NALCN: variants seen among roughly 807,000 people sequenced by gnomAD.
NALCN encodes the protein sodium leak channel, non-selective.
A neutral mutation model predicts 225.3 loss-of-function variants in NALCN; 111 were observed. That is an observed-to-expected ratio of 0.49 (90% CI 0.42 to 0.58). NALCN has a LOEUF of 0.58. Among genes scored for constraint, NALCN ranks in the 20% least tolerant of loss-of-function variants. NALCN has a pLI of 0.00. For missense variants in NALCN, 1,378 were observed against 2,202.4 expected (o/e 0.63, Z 7.49); for synonymous variants, 764 against 769.0 (o/e 0.99, Z 0.11).
intron 6 of NALCN, among the ~76,000 whole-genome samples, chr13:101,352,121 T>C (rs909462123): frequency 5.3e-5 from 8 of 152,178 alleles, no homozygotes; most frequent in South Asian, 2.1e-4. Context: ...CCACACAGCA[T>C]GCTAGGAATG....
intron 6 of NALCN, among the ~76,000 whole-genome samples, chr13:101,345,717 T>C: frequency 8.0e-6 from 1 of 125,400 alleles, no homozygotes; most frequent in South Asian, 2.5e-4. Context: ...TATCTATCTA[T>C]CTAAGAGTAC....
At chr13:101,380,892 A>ACC (rs1491058349) in intron 3 of NALCN, among the ~76,000 whole-genome samples, 1 of 149,750 alleles carries the variant, frequency 6.7e-6, no homozygotes, top group Non-Finnish European at 1.5e-5. Flanking sequence ...ACACACACAC[A>ACC]CCACCATCAC....
intron 13 of NALCN, among the ~76,000 whole-genome samples, chr13:101,222,313 C>T (rs916263204): frequency 6.6e-6 from 1 of 152,168 alleles, no homozygotes; most frequent in Non-Finnish European, 1.5e-5. Context: ...TCACCCCCAT[C>T]TCATCCTCTC....
At chr13:101,122,158 T>C (rs2036009704) in intron 18 of NALCN, among the ~76,000 whole-genome samples, 1 of 152,136 alleles carries the variant, frequency 6.6e-6, no homozygotes, top group Admixed American at 6.6e-5. Context: ...GGTGAAAAGA[T>C]AAGTATTCCC....
chr13:101,194,770 A>G (rs2039821997), intron 13 of NALCN, among the ~76,000 whole-genome samples: 1 of 152,144 alleles, frequency 6.6e-6, no homozygotes, highest in South Asian at 2.1e-4. Context: ...TTGGGAGGCC[A>G]AGGCGGGCAG....
chr13:101,302,223 T>A (rs969898894), intron 7 of NALCN, among the ~76,000 whole-genome samples: 1 of 152,204 alleles, frequency 6.6e-6, no homozygotes, highest in Admixed American at 6.5e-5. Context: ...TGCATCATCA[T>A]ACATATTCAA....
intron 15 of NALCN, among the ~76,000 whole-genome samples, chr13:101,157,789 T>C (rs1245676198): frequency 1.3e-5 from 2 of 151,166 alleles, no homozygotes; most frequent in Non-Finnish European, 2.9e-5. Flanking sequence ...TCTTGCTCTG[T>C]TGCCCAGAGC....
chr13:101,342,323 G>A (rs1179431551), intron 7 of NALCN, among the ~76,000 whole-genome samples: 1 of 152,192 alleles, frequency 6.6e-6, no homozygotes, highest in Middle Eastern at 3.4e-3. Flanking sequence ...GGTTCCCCAG[G>A]TCATCCTAAG....
intron 6 of NALCN, among the ~76,000 whole-genome samples, chr13:101,354,460 A>T (rs1468743327): frequency 6.6e-6 from 1 of 152,184 alleles, no homozygotes; most frequent in African/African-American, 2.4e-5. Context: ...TGACTTTTAA[A>T]ATCTGGGCCA....
chr13:101,075,977 G>T, intron 34 of NALCN, 36 bp from the exon 35 acceptor site: 1 of 1,574,086 alleles, frequency 6.4e-7, no homozygotes, highest in Non-Finnish European at 8.7e-7. Flanking sequence ...CTCATAATTT[G>T]CACAAAAGAT....
chr13:101,222,434 C>G (rs2040976798), intron 13 of NALCN, among the ~76,000 whole-genome samples: 1 of 152,134 alleles, frequency 6.6e-6, no homozygotes, highest in South Asian at 2.1e-4. Flanking sequence ...AGATCCTGAC[C>G]AATACTCATG....
At chr13:101,117,292 T>C (rs2035763931) in intron 18 of NALCN, among the ~76,000 whole-genome samples, 1 of 152,210 alleles carries the variant, frequency 6.6e-6, no homozygotes, top group South Asian at 2.1e-4. Context: ...GAGAAATCCA[T>C]GCCTTTCGTG....
At chr13:101,067,694 A>G (rs952662259) in intron 39 of NALCN, among the ~76,000 whole-genome samples, 1 of 152,176 alleles carries the variant, frequency 6.6e-6, no homozygotes, top group Admixed American at 6.5e-5. Context: ...TGGCCTTCGG[A>G]AAGTCTGAAG....
intron 37 of NALCN, among the ~76,000 whole-genome samples, chr13:101,070,516 T>C (rs2167598): frequency 0.71 from 107,801 of 152,104 alleles, 38,662 homozygotes; most frequent in South Asian, 0.75. Flanking sequence ...AAAGTTGAAA[T>C]GACTTCTTGA....
intron 7 of NALCN, among the ~76,000 whole-genome samples, chr13:101,323,739 G>T (rs1263601287): frequency 6.6e-6 from 1 of 152,166 alleles, no homozygotes; most frequent in Non-Finnish European, 1.5e-5. Flanking sequence ...TAAGTCTCAT[G>T]ATTTTCCATG....
chr13:101,337,624 T>C (rs2045424501), intron 7 of NALCN, among the ~76,000 whole-genome samples: 1 of 152,164 alleles, frequency 6.6e-6, no homozygotes, highest in African/African-American at 2.4e-5. Flanking sequence ...TATTCTTTTT[T>C]CTAAGACTTG....
At chr13:101,096,463 A>T (rs1458543717) in intron 27 of NALCN, among the ~76,000 whole-genome samples, 1 of 152,210 alleles carries the variant, frequency 6.6e-6, no homozygotes. Flanking sequence ...TTGAGAAAAA[A>T]GTCACAAAAG....
intron 6 of NALCN, among the ~76,000 whole-genome samples, chr13:101,354,241 G>T (rs2045985823): frequency 6.6e-6 from 1 of 152,178 alleles, no homozygotes; most frequent in African/African-American, 2.4e-5. Flanking sequence ...TACTTGGGAG[G>T]CTGAGGCAGG....
At chr13:101,131,279 G>A (rs663128) in intron 17 of NALCN, among the ~76,000 whole-genome samples, 24,016 of 152,074 alleles carry the variant, frequency 0.16, 4,035 homozygotes, top group African/African-American at 0.42. Context: ...GCACGTTTTT[G>A]TAGGTTGCTT....
Sources: gnomAD v4.1 joint callset for allele counts (sites outside exome capture counted in the v4.1 genomes callset) on GRCh38, gnomAD v4.1.1 for gene constraint, MANE v1.5 for transcripts, NCBI Gene and HGNC (gene_info 2026-07-23, HGNC 2026-07-21) for gene names.